CCDC7: variants seen among roughly 807,000 people sequenced by gnomAD.
CCDC7 encodes coiled-coil domain-containing protein 7.
A neutral mutation model predicts 196.9 loss-of-function variants in CCDC7; 183 were observed. That is an observed-to-expected ratio of 0.93 (90% CI 0.82 to 1.05). The LOEUF is 1.05. Ranked by LOEUF, CCDC7 falls within the 50% of genes least tolerant of loss-of-function variation. CCDC7 has a pLI of 0.00. For missense variants in CCDC7, 1,540 were observed against 1,482.2 expected, an observed-to-expected ratio of 1.04 and a Z score of -0.64; for synonymous variants, 525 against 484.6, an observed-to-expected ratio of 1.08 and a Z score of -1.10.
chr10:32,610,757 C>A (rs2947061), intron 18 of CCDC7, among the ~76,000 whole-genome samples: 21,004 of 152,118 alleles, frequency 0.14, 1,752 homozygotes, highest in East Asian at 0.25. Context: ...TGAACTCATC[C>A]TTTTTTATGG....
intron 41 of CCDC7, among the ~76,000 whole-genome samples, chr10:32,871,962 G>A (rs902009892): frequency 6.6e-6 from 1 of 152,158 alleles, no homozygotes; most frequent in East Asian, 1.9e-4. Flanking sequence ...TGTGGTCTGA[G>A]AGACAGTTTG....
At chr10:32,696,753 C>A (rs1271785268) in intron 24 of CCDC7, among the ~76,000 whole-genome samples, 1 of 152,190 alleles carries the variant, frequency 6.6e-6, no homozygotes, top group Non-Finnish European at 1.5e-5. Flanking sequence ...TTACCTAGAT[C>A]ATTGAGAAGT....
chr10:32,870,371 G>T lies in CCDC7; in HGVS notation c.4112-5976G>T, dbSNP rs184227136. Among the ~76,000 whole-genome samples, 10 of 152,176 alleles carry T rather than the reference G, an allele frequency of 6.6e-5. No homozygotes were observed. The East Asian group carries it at 1.9e-3, about 29-fold the overall frequency. On this transcript the variant is annotated intron_variant, in intron 41 of 41. Transcript: ENST00000639629. ...TTCTCTTTGAAGCAATTGTGAATGGGAGTTCACTCATGATTTGGCTCTGTT... is the reference window on the plus strand; with the variant it reads ...TTCTCTTTGAAGCAATTGTGAATGGTAGTTCACTCATGATTTGGCTCTGTT...
intron 21 of CCDC7, among the ~76,000 whole-genome samples, chr10:32,670,315 C>T (rs1028799076): frequency 2.0e-4 from 30 of 151,848 alleles, no homozygotes; most frequent in South Asian, 2.1e-4. Context: ...TAGATGATTT[C>T]GTTGTTTTTT....
intron 21 of CCDC7, among the ~76,000 whole-genome samples, chr10:32,676,923 A>C (rs2075079747): frequency 1.3e-5 from 2 of 152,186 alleles, no homozygotes; most frequent in African/African-American, 4.8e-5. Context: ...ATGCACACAT[A>C]TATTTATTGC....
rs985551295 is a variant in CCDC7, at chr10:32,584,360, A to G, written c.1801+56A>G. The G allele has an allele frequency of 8.7e-6, 10 of 1,152,528 alleles. No individual in the cohort carries two copies. The East Asian group carries it at 9.6e-5, about 11-fold the overall frequency. 71.4% of individuals were successfully genotyped at this position (1,152,528 alleles called of 1,614,324 possible). On this transcript the variant is annotated intron_variant, in intron 18 of 41. Coordinates refer to ENST00000639629, the Ensembl canonical transcript of CCDC7. ...TGTGATTGAATGATTATGTGTTTCC[A>G]TGATATAATTATAAATAAATGAGGG...
chr10:32,520,051 T>A (rs2047645532), intron 11 of CCDC7, among the ~76,000 whole-genome samples: 1 of 152,126 alleles, frequency 6.6e-6, no homozygotes, highest in Admixed American at 6.6e-5. Flanking sequence ...TGACACAATC[T>A]CCTTTTTTAT....
At chr10:32,452,018 T>A in intron 1 of CCDC7, 97 bp downstream of exon 2, 2 of 1,422,370 alleles carry the variant, frequency 1.4e-6, no homozygotes, top group East Asian at 2.5e-5. Flanking sequence ...CATATAGTCA[T>A]ACCGATGGCT....
chr10:32,700,380 T>A (rs1005990645), intron 24 of CCDC7, among the ~76,000 whole-genome samples: 3 of 149,300 alleles, frequency 2.0e-5, no homozygotes, highest in South Asian at 2.1e-4. Flanking sequence ...TGTGGCATTA[T>A]TTCTGAGGGC....
intron 21 of CCDC7, among the ~76,000 whole-genome samples, chr10:32,676,041 A>C (rs542671619): frequency 1.6e-4 from 25 of 151,902 alleles, no homozygotes; most frequent in African/African-American, 5.8e-4. Flanking sequence ...ACAGAGATAT[A>C]GATCAATGGA....
At chr10:32,463,433 G>A (rs1242975030) in intron 5 of CCDC7, among the ~76,000 whole-genome samples, 5 of 152,108 alleles carry the variant, frequency 3.3e-5, no homozygotes, top group Non-Finnish European at 5.9e-5. Flanking sequence ...ATAAAATTAT[G>A]TATTGATTTT....
At chr10:32,589,927 C>T (rs2059629628) in intron 18 of CCDC7, among the ~76,000 whole-genome samples, 1 of 151,902 alleles carries the variant, frequency 6.6e-6, no homozygotes, top group African/African-American at 2.4e-5. Flanking sequence ...CATCCCTATG[C>T]TTTCAGTCTA....
At chr10:32,484,527 T>C (rs933428698) in intron 8 of CCDC7, among the ~76,000 whole-genome samples, 3 of 152,156 alleles carry the variant, frequency 2.0e-5, no homozygotes, top group Non-Finnish European at 2.9e-5. Context: ...GAACTTCCAA[T>C]ACTATGTTGA....
chr10:32,697,421 T>G (rs2077895543), intron 24 of CCDC7, among the ~76,000 whole-genome samples: 1 of 152,126 alleles, frequency 6.6e-6, no homozygotes, highest in South Asian at 2.1e-4. Context: ...CCTTTCTTAG[T>G]CAAGGGAAGC....
intron 28 of CCDC7, among the ~76,000 whole-genome samples, chr10:32,762,302 T>C (rs2077582500): frequency 6.6e-6 from 1 of 151,856 alleles, no homozygotes; most frequent in Non-Finnish European, 1.5e-5. Context: ...CGAGCACTTC[T>C]CATGGCTAGC....
intron 21 of CCDC7, among the ~76,000 whole-genome samples, chr10:32,666,861 C>T (rs2072879594): frequency 6.6e-6 from 1 of 152,068 alleles, no homozygotes; most frequent in Non-Finnish European, 1.5e-5. Flanking sequence ...TTTATAGCAG[C>T]ATGATTTATA....
chr10:32,816,703 G>C (rs544657535), intron 31 of CCDC7, among the ~76,000 whole-genome samples: 1 of 152,146 alleles, frequency 6.6e-6, no homozygotes, highest in Admixed American at 6.5e-5. Context: ...TGCAGCCTCC[G>C]CTGCTGATAC....
At chr10:32,674,770 C>CAT (rs1011546635) in intron 21 of CCDC7, among the ~76,000 whole-genome samples, 6 of 152,004 alleles carry the variant, frequency 3.9e-5, no homozygotes, top group South Asian at 2.1e-4. Context: ...TTGTTATATA[C>CAT]ATATATATAT....
At chr10:32,695,127 A>G (rs572518932) in intron 24 of CCDC7, 135 bp downstream of exon 25, 1 of 410,574 alleles carries the variant, frequency 2.4e-6, no homozygotes, top group East Asian at 3.8e-5. Flanking sequence ...ATACCTTAAA[A>G]TAACTAGAGA....
Sources: gnomAD v4.1 joint callset for allele counts (sites outside exome capture counted in the v4.1 genomes callset) on GRCh38, gnomAD v4.1.1 for gene constraint, MANE v1.5 for transcripts, NCBI Gene and HGNC (gene_info 2026-07-23, HGNC 2026-07-21) for gene names.